SPIRE1: variants seen among roughly 807,000 people sequenced by gnomAD.
SPIRE1 encodes the protein spire type actin nucleation factor 1, also known as protein spire homolog 1.
In SPIRE1, 40 loss-of-function variants were observed where a neutral mutation model predicts 94.1. The observed-to-expected ratio is 0.43, with a 90% CI of 0.33 to 0.55. The LOEUF (loss-of-function observed/expected upper bound fraction) is 0.55. Ranked by LOEUF, SPIRE1 falls within the 20% of genes least tolerant of loss-of-function variation. The pLI, the probability that SPIRE1 is intolerant of heterozygous loss-of-function variation, is 0.06. For synonymous variants in SPIRE1, 376 were observed against 371.7 expected, an observed-to-expected ratio of 1.01 and a Z score of -0.13; for missense variants, 838 against 975.2, an observed-to-expected ratio of 0.86 and a Z score of 1.87.
chr18:12,478,778 G>A (rs760488510), intron 10 of SPIRE1, among the ~76,000 whole-genome samples: 15 of 152,086 alleles, frequency 9.9e-5, no homozygotes, highest in Non-Finnish European at 1.8e-4. Flanking sequence ...TACTGACATC[G>A]CAGATGGGGG....
chr18:12,502,923 C>T (rs976830230), intron 6 of SPIRE1, among the ~76,000 whole-genome samples: 2 of 151,936 alleles, frequency 1.3e-5, no homozygotes, highest in Admixed American at 6.6e-5. Context: ...GCGTGGCTAA[C>T]CTGATGAAAC....
At position 12,490,477 on chromosome 18, in the gene SPIRE1, G is replaced by A. The variant is rs904569106; in HGVS notation, c.1189+2595C>T. ...GAGAACACTTCTAATTTTGTTTTAC[G>A]AGGCCAAAACCCCCAAAATTACAGG... On this transcript the variant is annotated intron_variant, in intron 8 of 16. Coordinates refer to ENST00000409402, the MANE Select transcript of SPIRE1 (RefSeq NM_001128626.2). Among the ~76,000 whole-genome samples, 6 of 151,932 alleles carry A rather than the reference G, an allele frequency of 3.9e-5. No individual in the cohort carries two copies. In the East Asian group the frequency reaches 5.8e-4, roughly 15 times the overall value.
At chr18:12,623,052 G>T (rs2037520058) in intron 2 of SPIRE1, among the ~76,000 whole-genome samples, 1 of 152,204 alleles carries the variant, frequency 6.6e-6, no homozygotes, top group African/African-American at 2.4e-5. Flanking sequence ...GGGAAGAGAT[G>T]CCGAGAAAAA....
chr18:12,474,506 A>G (rs548598), intron 10 of SPIRE1, among the ~76,000 whole-genome samples: 9,537 of 152,208 alleles, frequency 0.063, 431 homozygotes, highest in African/African-American at 0.12. Flanking sequence ...GTCTGGTGTC[A>G]AGAAAAAGTT....
At chr18:12,592,466 C>A (rs1186163960) in intron 2 of SPIRE1, among the ~76,000 whole-genome samples, 8 of 152,090 alleles carry the variant, frequency 5.3e-5, no homozygotes, top group African/African-American at 1.9e-4. Flanking sequence ...ATCATCTAAT[C>A]CAATTCCTTT....
chr18:12,600,753 C>G, intron 2 of SPIRE1, among the ~76,000 whole-genome samples: 1 of 151,956 alleles, frequency 6.6e-6, no homozygotes, highest in South Asian at 2.1e-4. Flanking sequence ...GGTAGGGTCT[C>G]GCTCTGTCAC....
At chr18:12,544,680 C>A (rs1454331515) in intron 3 of SPIRE1, among the ~76,000 whole-genome samples, 1 of 152,078 alleles carries the variant, frequency 6.6e-6, no homozygotes, top group Non-Finnish European at 1.5e-5. Context: ...TTTAACTATT[C>A]ATTTTTCATA....
chr18:12,661,617 CA>C (rs74946932), upstream of SPIRE1, among the ~76,000 whole-genome samples: 486 of 151,278 alleles, frequency 3.2e-3, 14 homozygotes, highest in East Asian at 0.056. Context: ...ACTAAAAATG[CA>C]AAGAAAATTA....
chr18:12,545,873 T>C (rs1006651439), intron 3 of SPIRE1, among the ~76,000 whole-genome samples: 1 of 152,182 alleles, frequency 6.6e-6, no homozygotes, highest in Non-Finnish European at 1.5e-5. Flanking sequence ...CATGTAATGA[T>C]AAGGGGTATA....
intron 2 of SPIRE1, among the ~76,000 whole-genome samples, chr18:12,611,282 C>G (rs1321969967): frequency 6.6e-6 from 1 of 152,146 alleles, no homozygotes; most frequent in Admixed American, 6.6e-5. Context: ...CACACTGTGT[C>G]CATGTGATCA....
At chr18:12,548,966 T>C (rs995415895) in intron 2 of SPIRE1, among the ~76,000 whole-genome samples, 2 of 152,206 alleles carry the variant, frequency 1.3e-5, no homozygotes, top group African/African-American at 4.8e-5. Context: ...TCCAAGGCAA[T>C]TGACTACTTT....
chr18:12,507,729 A>T (rs756253039), intron 5 of SPIRE1, among the ~76,000 whole-genome samples: 3 of 152,026 alleles, frequency 2.0e-5, no homozygotes, highest in Non-Finnish European at 2.9e-5. Context: ...AAAATAATAC[A>T]AAATCTATTT....
chr18:12,540,370 A>G (rs1420359404), intron 3 of SPIRE1, among the ~76,000 whole-genome samples: 1 of 151,506 alleles, frequency 6.6e-6, no homozygotes, highest in East Asian at 1.9e-4. Context: ...ACCCCCCTCT[A>G]ATTTCTCTGT....
intron 6 of SPIRE1, among the ~76,000 whole-genome samples, chr18:12,498,027 T>C (rs571897635): frequency 8.2e-4 from 125 of 152,336 alleles, no homozygotes; most frequent in Non-Finnish European, 1.5e-3. Flanking sequence ...CCTAAGTCAG[T>C]ACGGGTGGAG....
chr18:12,532,494 AAGGT>A (rs1291296190), intron 4 of SPIRE1, among the ~76,000 whole-genome samples: 4 of 152,196 alleles, frequency 2.6e-5, no homozygotes, highest in Admixed American at 2.0e-4. Context: ...ACACAGATAT[AAGGT>A]AGTTTGAAAA....
chr18:12,560,999 A>AATC (rs1160588720), intron 2 of SPIRE1, among the ~76,000 whole-genome samples: 8 of 152,248 alleles, frequency 5.3e-5, no homozygotes, highest in African/African-American at 1.9e-4. Context: ...TGTTTGTAAC[A>AATC]CAAAGGATAA....
At chr18:12,637,103 T>C (rs1280063508) in intron 1 of SPIRE1, among the ~76,000 whole-genome samples, 1 of 152,194 alleles carries the variant, frequency 6.6e-6, no homozygotes, top group African/African-American at 2.4e-5. Flanking sequence ...CTCACGCCTG[T>C]AATCCCAGCA....
chr18:12,583,891 C>T (rs141557325), intron 2 of SPIRE1, among the ~76,000 whole-genome samples: 2 of 152,154 alleles, frequency 1.3e-5, no homozygotes, highest in East Asian at 3.9e-4. Context: ...CACGCCACTG[C>T]ACTCCAGCTT....
At position 12,496,068 on chromosome 18, in the gene SPIRE1, C is replaced by T; in HGVS notation, c.1007G>A (p.Ser336Asn). ...GAAGTCGAGGATGATTTCATGAGCA[C>T]TCTTTTTTAACCGAGGGGGAATATC... ...NGDIPPRLKK[S>N]AHEIILDFIR... The change falls in exon 7 of 17, where the codon AGT becomes AAT. Residue 336 changes from serine to asparagine, a missense_variant. Physicochemically the swap from Ser to Asn is conservative, Grantham distance 46. Around this residue, in one of 2 missense-constraint regions of SPIRE1, gnomAD observed 645 missense variants for 804.7 expected, o/e 0.80. Transcript: ENST00000409402. 1.2e-6 allele frequency: 2 copies of T among 1,613,828 alleles called. No individual in the cohort carries two copies. The highest frequency in any genetic ancestry group is 1.7e-6 in the Non-Finnish European group (2 of 1,179,774).
Sources: allele counts gnomAD v4.1 joint callset (sites outside exome capture counted in the v4.1 genomes callset), GRCh38; gene constraint gnomAD v4.1.1; regional missense constraint gnomAD v4.1.1; transcripts MANE v1.5; gene names NCBI Gene and HGNC (gene_info 2026-07-23, HGNC 2026-07-21).